CAPN13: variants seen among roughly 807,000 people sequenced by gnomAD.
CAPN13 encodes calpain 13, also known as calpain-13.
Under a neutral mutation model 98.4 loss-of-function variants are expected in CAPN13, and 90 were observed. The observed-to-expected ratio is 0.92, with a 90% CI of 0.77 to 1.09. The LOEUF (loss-of-function observed/expected upper bound fraction) is 1.09, where lower values mean the gene tolerates loss of function less well. Ranked by LOEUF, CAPN13 falls within the 50% of genes least tolerant of loss-of-function variation. The pLI, the probability that CAPN13 is intolerant of heterozygous loss-of-function variation, is 0.00. For synonymous variants in CAPN13, 330 were observed against 305.5 expected (o/e 1.08, Z -0.84); for missense variants, 887 against 841.3 (o/e 1.05, Z -0.67).
At position 30,738,260 on chromosome 2, in the gene CAPN13, C is replaced by CA; in HGVS notation, c.1627dup (p.Cys543LeufsTer68). On this transcript the variant is annotated frameshift_variant, in exon 17 of 23. Transcript: ENST00000295055. LOFTEE classifies it high-confidence loss of function. ...TTCCATCAGAGCCACCAAGCTGCGGCACTCATCTAAGGAGAACATGTCCCC... is the reference window on the plus strand; with the variant it reads ...TTCCATCAGAGCCACCAAGCTGCGGCAACTCATCTAAGGAGAACATGTCCCC... The CA allele has an allele frequency of 6.2e-7, 1 of 1,613,958 alleles. No individual in the cohort carries two copies. Among genetic ancestry groups the CA allele is most frequent in the South Asian group, 1.1e-5 (1 of 91,082 alleles).
chr2:30,748,971 T>G (rs62142185), intron 11 of CAPN13, among the ~76,000 whole-genome samples: 1,784 of 152,210 alleles, frequency 0.012, 11 homozygotes, highest in Non-Finnish European at 0.021. Flanking sequence ...CAGAAAGGCA[T>G]GCACCTAAGC....
chr2:30,741,477 T>C (rs1671649110), intron 15 of CAPN13: 1 of 1,013,866 alleles, frequency 9.9e-7, no homozygotes, highest in Non-Finnish European at 1.2e-6. Context: ...GGAAATCCTG[T>C]GTGCACATAG....
rs140799217 is a variant in CAPN13 at position 30,745,295 on chromosome 2, C to T, written c.1248+428G>A. 309 of 477,028 alleles carry T rather than the reference C, an allele frequency of 6.5e-4. 2 individuals carry two copies. Among genetic ancestry groups the T allele is most frequent in the Middle Eastern group, 3.2e-4 (1 of 3,114 alleles). 29.5% of individuals were successfully genotyped at this position (477,028 alleles called of 1,614,324 possible). The stretch of plus-strand genomic sequence containing the variant: ...AGGAGGGTGGCAGTTTCTTGCAAGA[C>T]GGGCTCAAGGATGTACCTTGAAGCT... On this transcript the variant is annotated intron_variant, in intron 12 of 22. Coordinates refer to ENST00000295055, the MANE Select transcript of CAPN13 (RefSeq NM_144575.3).
At chr2:30,766,323 TC>T (rs1192562179) in intron 5 of CAPN13, among the ~76,000 whole-genome samples, 1 of 152,114 alleles carries the variant, frequency 6.6e-6, no homozygotes, top group Non-Finnish European at 1.5e-5. Flanking sequence ...CACCTCGGAG[TC>T]ACCCAAGACA....
At chr2:30,800,313 C>A (rs1283602674) in intron 1 of CAPN13, among the ~76,000 whole-genome samples, 1 of 152,096 alleles carries the variant, frequency 6.6e-6, no homozygotes, top group African/African-American at 2.4e-5. Context: ...CAGCTTGGCG[C>A]AAGAGAGGCA....
Position 30,764,263 on chromosome 2 carries a change from C to T in CAPN13, c.568G>A (p.Asp190Asn). The T allele has an allele frequency of 6.2e-7, 1 of 1,613,822 alleles. No individual in the cohort carries two copies. The highest frequency in any genetic ancestry group is 8.5e-7 in the Non-Finnish European group (1 of 1,179,854). ...YSDLHYGFLE[D>N]ALVDLTGGVI... is the part of the protein sequence containing the mutation. ...CCTCCTGTGAGGTCCACCAGGGCATCCTCGAGGAAGCCATAGTGCAGATCG... is the reference window on the plus strand; with the variant it reads ...CCTCCTGTGAGGTCCACCAGGGCATTCTCGAGGAAGCCATAGTGCAGATCG... Residue 190 changes from aspartate (D) to asparagine (N), a missense_variant, in exon 6 of 23, where the codon GAT becomes AAT. Coordinates refer to ENST00000295055, the MANE Select transcript of CAPN13 (RefSeq NM_144575.3).
intron 7 of CAPN13, among the ~76,000 whole-genome samples, chr2:30,761,683 A>G (rs1672857711): frequency 1.3e-5 from 2 of 152,242 alleles, no homozygotes; most frequent in African/African-American, 4.8e-5. Context: ...AATTGATAAC[A>G]GCTCTCTTTC....
intron 11 of CAPN13, 87 bp from the exon 12 acceptor site, chr2:30,745,821 T>A (rs547197773): frequency 8.9e-7 from 1 of 1,121,402 alleles, no homozygotes; most frequent in South Asian, 1.4e-5. Flanking sequence ...CTCATTGGTT[T>A]CATCCCTGCA....
At chr2:30,764,543 A>T (rs7580713) in intron 5 of CAPN13, among the ~76,000 whole-genome samples, 5,388 of 152,250 alleles carry the variant, frequency 0.035, 261 homozygotes, top group African/African-American at 0.11. Flanking sequence ...GCACAGTCCC[A>T]TAAGTGGCAG....
chr2:30,782,452 A>C (rs1355957426), intron 2 of CAPN13, among the ~76,000 whole-genome samples: 1 of 152,166 alleles, frequency 6.6e-6, no homozygotes, highest in Non-Finnish European at 1.5e-5. Flanking sequence ...ACTTTCTGCC[A>C]TTTTTTGTTA....
At chr2:30,777,707 A>T in intron 2 of CAPN13, 68 bp from the exon 3 acceptor site, 1 of 1,285,844 alleles carries the variant, frequency 7.8e-7, no homozygotes, top group South Asian at 1.3e-5. Context: ...GACATCATTC[A>T]CTTTGTCTTT....
At position 30,787,298 on chromosome 2, in the gene CAPN13, C is replaced by T; in HGVS notation, c.28G>A (p.Glu10Lys). 3.1e-6 allele frequency: 5 copies of T among 1,613,146 alleles called. No individual in the cohort carries two copies. Among genetic ancestry groups the T allele is most frequent in the Non-Finnish European group, 4.2e-6 (5 of 1,179,632 alleles). MAYYQEPSV[E>K]TSIIKFKDQD... ...TCTTTGAACTTGATGATGGAGGTCT[C>T]CACTGAAGGCTCCTGGTAATACGCC... The change falls in exon 2 of 23, where the codon GAG becomes AAG. Residue 10 changes from glutamate to lysine, a missense_variant. Coordinates refer to ENST00000295055, the MANE Select transcript of CAPN13 (RefSeq NM_144575.3).
intron 1 of CAPN13, among the ~76,000 whole-genome samples, chr2:30,790,543 C>G (rs1003123569): frequency 6.6e-6 from 1 of 152,160 alleles, no homozygotes; most frequent in South Asian, 2.1e-4. Context: ...GGAGCCGTGG[C>G]TTAGGGCTAC....
intron 7 of CAPN13, among the ~76,000 whole-genome samples, chr2:30,760,626 G>T (rs1478383686): frequency 6.6e-6 from 1 of 152,220 alleles, no homozygotes; most frequent in Non-Finnish European, 1.5e-5. Flanking sequence ...AGATTAAAAA[G>T]CGCGCCACAT....
chr2:30,793,160 C>T (rs942283162), intron 1 of CAPN13, among the ~76,000 whole-genome samples: 1 of 151,558 alleles, frequency 6.6e-6, no homozygotes, highest in Non-Finnish European at 1.5e-5. Flanking sequence ...GCCAATGCAA[C>T]AAGAAAATTA....
chr2:30,796,227 T>C (rs976150938), intron 1 of CAPN13, among the ~76,000 whole-genome samples: 2 of 104,142 alleles, frequency 1.9e-5, no homozygotes, highest in Admixed American at 1.7e-4. Context: ...TATATATGTA[T>C]ATATATATGT....
At chr2:30,751,449 C>A (rs1386197466) in intron 10 of CAPN13, among the ~76,000 whole-genome samples, 198 bp from the exon 11 acceptor site, 2 of 152,210 alleles carry the variant, frequency 1.3e-5, no homozygotes, top group African/African-American at 4.8e-5. Flanking sequence ...CTCTTAAACA[C>A]AGGAGAGGTT....
At chr2:30,734,625 G>T in intron 18 of CAPN13, 101 bp from the exon 19 acceptor site, 1 of 888,280 alleles carries the variant, frequency 1.1e-6, no homozygotes, top group Non-Finnish European at 1.8e-6. Context: ...TCAGAGGAAG[G>T]CACGGTCACA....
chr2:30,745,177 G>A, intron 12 of CAPN13: 1 of 472,136 alleles, frequency 2.1e-6, no homozygotes, highest in Non-Finnish European at 4.4e-6. Context: ...GAGTGCCTGT[G>A]AGGATAGGTA....
Sources: allele counts gnomAD v4.1 joint callset (sites outside exome capture counted in the v4.1 genomes callset), GRCh38; gene constraint gnomAD v4.1.1; transcripts MANE v1.5; gene names NCBI Gene and HGNC (gene_info 2026-07-23, HGNC 2026-07-21).